The following SDK2 variants were observed in gnomAD, a reference collection of about 807,000 sequenced individuals.
The protein encoded by SDK2 is protein sidekick-2.
Under a neutral mutation model 253.9 loss-of-function variants are expected in SDK2, and 105 were observed. That is an observed-to-expected ratio of 0.41 (90% CI 0.35 to 0.49). The LOEUF (loss-of-function observed/expected upper bound fraction) is 0.49. Ranked by LOEUF, SDK2 falls within the 20% of genes least tolerant of loss-of-function variation. The pLI, the probability that SDK2 is intolerant of heterozygous loss-of-function variation, is 0.06. For missense variants in SDK2, 2,608 were observed against 3,003.0 expected (o/e 0.87, Z 3.07); for synonymous variants, 1,249 against 1,234.9 (o/e 1.01, Z -0.24).
rs776809222 is a variant in SDK2, at chr17:73,472,265, G to T, written c.225-47C>A. The T allele has an allele frequency of 1.7e-5, 24 of 1,394,548 alleles. No homozygotes were observed. The Admixed American group carries it at 4.7e-4, about 28-fold the overall frequency. The allele number at this position is 1,394,548 out of a possible 1,614,324, so 86.4% of individuals were successfully genotyped here. A position where few individuals can be genotyped will look rare whatever the true frequency, so the allele number is the denominator to read the frequency against. Reference sequence around the variant, plus strand: ...CAGTGAGCAAGTCAGGCAGCTGCAGGGGTACAGAGGTCAGATTGGGCTCAG... The same window carrying T: ...CAGTGAGCAAGTCAGGCAGCTGCAGTGGTACAGAGGTCAGATTGGGCTCAG... On this transcript the variant is annotated intron_variant, in intron 2 of 44. Coordinates refer to ENST00000392650, the MANE Select transcript of SDK2 (RefSeq NM_001144952.2).
intron 18 of SDK2, among the ~76,000 whole-genome samples, chr17:73,402,864 C>G (rs937517067): frequency 6.6e-6 from 1 of 152,116 alleles, no homozygotes; most frequent in African/African-American, 2.4e-5. Context: ...GTGGCAAGAT[C>G]TAGGCTCACT....
At chr17:73,483,454 G>A (rs1034239698) in intron 2 of SDK2, among the ~76,000 whole-genome samples, 13 of 146,002 alleles carry the variant, frequency 8.9e-5, no homozygotes, top group South Asian at 4.4e-4. Context: ...CTACAGATAC[G>A]TGCACCACCA....
chr17:73,563,512 G>C lies in SDK2; in HGVS notation c.65-55915C>G, dbSNP rs182111899. 7.1e-4 allele frequency among the ~76,000 whole-genome samples: 108 copies of C among 152,292 alleles called. 1 individual carries two copies. Among genetic ancestry groups the C allele is most frequent in the Admixed American group, 5.5e-3 (84 of 15,294 alleles). On this transcript the variant is annotated intron_variant, in intron 1 of 44. Coordinates refer to ENST00000392650, the MANE Select transcript of SDK2 (RefSeq NM_001144952.2). ...GAGGATTGCACGAGCCCAGGAGTTTGAGGCTGCAGTGAGCTATGAACAGGC... is the reference window on the plus strand; with the variant it reads ...GAGGATTGCACGAGCCCAGGAGTTTCAGGCTGCAGTGAGCTATGAACAGGC...
At chr17:73,457,657 A>T (rs940361011) in intron 3 of SDK2, among the ~76,000 whole-genome samples, 5 of 151,642 alleles carry the variant, frequency 3.3e-5, no homozygotes, top group Non-Finnish European at 7.4e-5. Flanking sequence ...AGCCTACATC[A>T]CCCCAAGCCA....
rs767632454 is a variant in SDK2, at chr17:73,401,957, G to A, written c.2669C>T (p.Thr890Ile). ...TGGGGGGTGCCTACCATCCTCATGG[G>A]TGCGCACCAGCTGCGGGGTGCTGCG... ...GPRSTPQLVR[T>I]HEDVPGPVGH... is the part of the protein sequence containing the mutation. The change falls in exon 19 of 45, where the codon ACC becomes ATC. Residue 890 changes from threonine (T) to isoleucine (I), a missense_variant. Thr to Ile is a moderately conservative substitution (Grantham distance 89). This residue lies in a region of SDK2 where 1,505 missense variants were observed against 1,859.1 expected (regional missense o/e 0.81). Coordinates refer to ENST00000392650, the MANE Select transcript of SDK2 (RefSeq NM_001144952.2). The A allele has an allele frequency of 6.2e-7, 1 of 1,608,958 alleles. No homozygotes were observed. Among genetic ancestry groups the A allele is most frequent in the Non-Finnish European group, 8.5e-7 (1 of 1,177,698 alleles).
Position 73,443,939 on chromosome 17 carries a change from C to A in SDK2, c.614-3016G>T, listed in dbSNP as rs2063433780. On this transcript the variant is annotated intron_variant, in intron 5 of 44. Coordinates refer to ENST00000392650, the MANE Select transcript of SDK2 (RefSeq NM_001144952.2). The surrounding 1 kb of genome is among the most constrained non-coding windows in gnomAD (Gnocchi z 4.6). ...AGAGATTCTCCACCAAGCGAGATGG[C>A]CAGGGTCTGTCCTCATGGAGGGTGA... 6.6e-6 allele frequency among the ~76,000 whole-genome samples: 1 copy of A among 152,154 alleles called. No individual in the cohort carries two copies. Among genetic ancestry groups the A allele is most frequent in the African/African-American group, 2.4e-5 (1 of 41,438 alleles).
Position 73,391,303 on chromosome 17 carries a change from C to T in SDK2, c.3997+137G>A. ...GGAATTTCTAGCAGGAGGACTAACACCCAGATCCCATTCTAGAGGGGATGT... is the reference window on the plus strand; with the variant it reads ...GGAATTTCTAGCAGGAGGACTAACATCCAGATCCCATTCTAGAGGGGATGT... On this transcript the variant is annotated intron_variant, in intron 28 of 44. Coordinates refer to ENST00000392650, the MANE Select transcript of SDK2 (RefSeq NM_001144952.2). 2 of 423,852 alleles carry T rather than the reference C, an allele frequency of 4.7e-6. 1 individual carries two copies. 26.3% of individuals were successfully genotyped at this position (423,852 alleles called of 1,614,324 possible). A position where few individuals can be genotyped will look rare whatever the true frequency, so the allele number is the denominator to read the frequency against.
intron 2 of SDK2, among the ~76,000 whole-genome samples, chr17:73,478,282 G>A (rs1206928632): frequency 6.6e-6 from 1 of 152,180 alleles, no homozygotes; most frequent in Non-Finnish European, 1.5e-5. Flanking sequence ...TTCCGTAGCT[G>A]TGCATGGAGC....
intron 1 of SDK2, among the ~76,000 whole-genome samples, chr17:73,633,929 T>C (rs1439524047): frequency 6.6e-6 from 1 of 151,908 alleles, no homozygotes; most frequent in Non-Finnish European, 1.5e-5. Context: ...GGGAGGGCAG[T>C]GTGAGCTTGG....
intron 18 of SDK2, among the ~76,000 whole-genome samples, chr17:73,413,058 G>A (rs1392233318): frequency 6.6e-6 from 1 of 152,164 alleles, no homozygotes; most frequent in Non-Finnish European, 1.5e-5. Context: ...CCAGTCTGTG[G>A]TCTGTTAGGA....
chr17:73,447,024 C>T lies in SDK2; in HGVS notation c.613+591G>A, dbSNP rs1393063261. Among the ~76,000 whole-genome samples the T allele has an allele frequency of 2.6e-5, 4 of 152,178 alleles. No homozygotes were observed. The highest frequency in any genetic ancestry group is 5.9e-5 in the Non-Finnish European group (4 of 68,028). ...GGGAATCACGCTTTTGTGTGTGTCT[C>T]ACTGTGTGGTGAGTTCTAGGGAGGG... On this transcript the variant is annotated intron_variant, in intron 5 of 44. Transcript: ENST00000392650. The surrounding 1 kb of genome is among the most constrained non-coding windows in gnomAD (Gnocchi z 4.0).
intron 1 of SDK2, among the ~76,000 whole-genome samples, chr17:73,581,041 T>C (rs1385450153): frequency 6.7e-6 from 1 of 149,146 alleles, no homozygotes; most frequent in Non-Finnish European, 1.5e-5. Context: ...AGCTAATTTT[T>C]GTATTTTTTG....
At chr17:73,343,233 G>A (rs2062454622) in intron 44 of SDK2, among the ~76,000 whole-genome samples, 1 of 152,262 alleles carries the variant, frequency 6.6e-6, no homozygotes, top group South Asian at 2.1e-4. Flanking sequence ...GGGGATGGAA[G>A]GCACTAGAAG....
intron 1 of SDK2, among the ~76,000 whole-genome samples, chr17:73,634,432 C>T (rs940000854): frequency 2.6e-5 from 4 of 152,218 alleles, no homozygotes; most frequent in African/African-American, 9.7e-5. Flanking sequence ...TCTGGCCAAC[C>T]TCCTTCATAG....
chr17:73,343,161 G>A (rs1388810961), intron 44 of SDK2, among the ~76,000 whole-genome samples: 2 of 152,206 alleles, frequency 1.3e-5, no homozygotes, highest in Non-Finnish European at 2.9e-5. Context: ...GACCATCCCC[G>A]TCCTACCAGC....
chr17:73,444,722 T>G (rs2145638603), intron 5 of SDK2, among the ~76,000 whole-genome samples: 1 of 152,274 alleles, frequency 6.6e-6, no homozygotes, highest in East Asian at 1.9e-4. Context: ...GGCACCAGTT[T>G]ACAGATGGGG....
chr17:73,622,972 G>A (rs1444103541), intron 1 of SDK2, among the ~76,000 whole-genome samples: 1 of 152,166 alleles, frequency 6.6e-6, no homozygotes, highest in Non-Finnish European at 1.5e-5. Flanking sequence ...CCCATCTGTA[G>A]GCCTCGGCCA....
chr17:73,500,658 ACTCCATCTCCTCCATCCATCCTCC>A (rs1344559156), intron 2 of SDK2, among the ~76,000 whole-genome samples: 1 of 55,832 alleles, frequency 1.8e-5, no homozygotes, highest in Admixed American at 1.9e-4. Flanking sequence ...ATCCCTCCTC[ACTCCATCTCCTCCATCCATCCTCC>A]CTCCATTCTC....
chr17:73,409,571 G>A (rs1599536949), intron 18 of SDK2, among the ~76,000 whole-genome samples: 1 of 152,092 alleles, frequency 6.6e-6, no homozygotes, highest in South Asian at 2.1e-4. Context: ...CAGAGGTTGC[G>A]GTGAGCTGAG....
Sources: allele counts gnomAD v4.1 joint callset (sites outside exome capture counted in the v4.1 genomes callset), GRCh38; gene constraint gnomAD v4.1.1; regional missense constraint gnomAD v4.1.1; non-coding constraint Gnocchi (gnomAD v3.1); transcripts MANE v1.5; gene names NCBI Gene and HGNC (gene_info 2026-07-23, HGNC 2026-07-21).